ASAP3: variants seen among roughly 807,000 people sequenced by gnomAD.
The protein encoded by ASAP3 is arf-GAP with SH3 domain, ANK repeat and PH domain-containing protein 3.
Under a neutral mutation model 118.2 loss-of-function variants are expected in ASAP3, and 85 were observed. That is an observed-to-expected ratio of 0.72 (90% CI 0.60 to 0.86). The LOEUF is 0.86. Among genes scored for constraint, ASAP3 ranks in the 40% least tolerant of loss-of-function variants. ASAP3 has a pLI of 0.00. For synonymous variants in ASAP3, 432 were observed against 477.4 expected, an observed-to-expected ratio of 0.90 and a Z score of 1.24; for missense variants, 1,026 against 1,175.0, an observed-to-expected ratio of 0.87 and a Z score of 1.85.
At chr1:23,461,362 G>A (rs761569321) in intron 1 of ASAP3, among the ~76,000 whole-genome samples, 4 of 151,864 alleles carry the variant, frequency 2.6e-5, no homozygotes, top group Non-Finnish European at 5.9e-5. Context: ...AAATAAAGTC[G>A]ATTTTTTTTA....
intron 8 of ASAP3, 84 bp from the exon 9 acceptor site, chr1:23,441,557 C>T: frequency 6.3e-7 from 1 of 1,599,270 alleles, no homozygotes; most frequent in Non-Finnish European, 8.6e-7. Flanking sequence ...AGAGCAGTAG[C>T]CTCACTCTGT....
intron 3 of ASAP3, among the ~76,000 whole-genome samples, chr1:23,453,035 G>GA (rs2148632635): frequency 6.6e-6 from 1 of 152,244 alleles, no homozygotes; most frequent in East Asian, 1.9e-4. Context: ...CTTCCTGTGT[G>GA]AAAGGGGGCA....
chr1:23,479,224 T>C (rs1298674619), intron 1 of ASAP3, among the ~76,000 whole-genome samples: 1 of 152,134 alleles, frequency 6.6e-6, no homozygotes, highest in East Asian at 1.9e-4. Context: ...GGGCTGTGCT[T>C]TGGGGCCTAT....
In ASAP3 at chr1:23,433,077, C is replaced by G; in HGVS notation, c.2323G>C (p.Asp775His). 1 of 1,613,598 alleles carries G rather than the reference C, an allele frequency of 6.2e-7. No individual in the cohort carries two copies. Among genetic ancestry groups the G allele is most frequent in the Non-Finnish European group, 8.5e-7 (1 of 1,179,872 alleles). Reference sequence around the variant, plus strand: ...CATTTATCTGGGCATCCAACTGTACCTCCACTGGCATGTCTTGCACACCCT... The same window carrying G: ...CATTTATCTGGGCATCCAACTGTACGTCCACTGGCATGTCTTGCACACCCT... Reference protein sequence around the residue: ...VQGCARHASGDRSEVSSLSSE... With the variant: ...VQGCARHASGHRSEVSSLSSE... The change falls in exon 22 of 25, where the codon GAT (aspartate) becomes CAT (histidine). Residue 775 changes from aspartate to histidine, a missense_variant and splice_region_variant. Coordinates refer to ENST00000336689, the MANE Select transcript of ASAP3 (RefSeq NM_017707.4).
In ASAP3 at chr1:23,431,723, G is replaced by A. The variant is rs1260013457; in HGVS notation, c.2519C>T (p.Ser840Leu). 5.9e-6 allele frequency: 9 copies of A among 1,522,084 alleles called. No homozygotes were observed. The highest frequency in any genetic ancestry group is 4.0e-5 in the South Asian group (3 of 75,368). The allele number at this position is 1,522,084 out of a possible 1,614,324, so 94.3% of individuals were successfully genotyped here. A position where few individuals can be genotyped will look rare whatever the true frequency, so the allele number is the denominator to read the frequency against. Residue 840 changes from serine to leucine, a missense_variant, in exon 23 of 25, where the codon TCG (serine) becomes TTG (leucine). By Grantham distance (145) the Ser-to-Leu change is moderately radical. Transcript: ENST00000336689. ...GAATCTGACGGGGAGGTACATCTCC[G>A]AAGGGGTGGTCCCGGATGTCAGGCT... ...RPSLTSGTTP[S>L]EMYLPVRFSS...
intron 1 of ASAP3, among the ~76,000 whole-genome samples, chr1:23,470,702 G>A (rs1438490526): frequency 1.3e-5 from 2 of 152,280 alleles, no homozygotes; most frequent in African/African-American, 2.4e-5. Flanking sequence ...CTGGCCGTGC[G>A]CCCCTTGGTC....
Position 23,437,072 on chromosome 1 carries a change from A to G in ASAP3, c.1343-28T>C, listed in dbSNP as rs754514859. On this transcript the variant is annotated intron_variant, in intron 14 of 24. Transcript: ENST00000336689. This position sits in a 1 kb window ranked among gnomAD's most constrained non-coding sequence, Gnocchi z 6.1. ...GCAGAGGAAAGCAGCTGGAGCCTGG[A>G]GGTGCAGCCCCTCCCCTCCACTTAA... The G allele has an allele frequency of 1.2e-6, 2 of 1,603,810 alleles. No homozygotes were observed. Among genetic ancestry groups the G allele is most frequent in the Non-Finnish European group, 8.5e-7 (1 of 1,175,198 alleles).
chr1:23,453,313 C>T (rs1055074290), intron 3 of ASAP3, among the ~76,000 whole-genome samples: 1 of 151,616 alleles, frequency 6.6e-6, no homozygotes, highest in African/African-American at 2.4e-5. Context: ...ATGGGGTAAA[C>T]GCAGAAGTCA....
At chr1:23,464,097 G>A (rs1165293018) in intron 1 of ASAP3, among the ~76,000 whole-genome samples, 4 of 151,870 alleles carry the variant, frequency 2.6e-5, no homozygotes, top group Non-Finnish European at 4.4e-5. Context: ...CACTTTGGGA[G>A]GCCAAGGTGA....
At chr1:23,434,761 A>C in intron 17 of ASAP3, 143 bp from the exon 18 acceptor site, 1 of 730,182 alleles carries the variant, frequency 1.4e-6, no homozygotes, top group Non-Finnish European at 2.3e-6. Context: ...GCAAGGGCAG[A>C]GCCTCATGTC....
rs1380616835 is a variant in ASAP3 at position 23,434,103 on chromosome 1, G to A, written c.1951+151C>T. The A allele has an allele frequency of 4.2e-6, 3 of 718,164 alleles. No homozygotes were observed. In the East Asian group the frequency reaches 7.8e-5, roughly 19 times the overall value. 44.5% of individuals were successfully genotyped at this position (718,164 alleles called of 1,614,324 possible). A position where few individuals can be genotyped will look rare whatever the true frequency, so the allele number is the denominator to read the frequency against. ...GTGGTATTATTCCCATTTTACAGATGAGGAAGCTGAAATTCAAGAGCTGAA... is the reference window on the plus strand; with the variant it reads ...GTGGTATTATTCCCATTTTACAGATAAGGAAGCTGAAATTCAAGAGCTGAA... On this transcript the variant is annotated intron_variant, in intron 19 of 24. Transcript: ENST00000336689.
chr1:23,463,408 T>G (rs913141801), intron 1 of ASAP3, among the ~76,000 whole-genome samples: 1 of 151,958 alleles, frequency 6.6e-6, no homozygotes, highest in African/African-American at 2.4e-5. Context: ...ATAAAAAAAT[T>G]TAGTTTTAAG....
intron 1 of ASAP3, among the ~76,000 whole-genome samples, chr1:23,464,929 C>T (rs1352886849): frequency 6.6e-6 from 1 of 152,166 alleles, no homozygotes; most frequent in African/African-American, 2.4e-5. Context: ...TTCAGAGATG[C>T]AGTACATCAT....
chr1:23,458,526 G>A (rs936199093), intron 1 of ASAP3, among the ~76,000 whole-genome samples: 1 of 152,120 alleles, frequency 6.6e-6, no homozygotes, highest in Non-Finnish European at 1.5e-5. Flanking sequence ...CTGAGCCTGG[G>A]GAGGTCAAAA....
upstream of ASAP3, chr1:23,484,340 A>G (rs953288303): frequency 5.4e-4 from 218 of 403,824 alleles, 1 homozygote; most frequent in Non-Finnish European, 3.1e-4. Context: ...CTCCACCGCC[A>G]AGGTCCAGGC....
chr1:23,452,833 C>A, intron 3 of ASAP3, 62 bp from the exon 4 acceptor site: 1 of 1,505,270 alleles, frequency 6.6e-7, no homozygotes. Context: ...CCTAGGGATT[C>A]GGTGTACAGT....
Position 23,436,174 on chromosome 1 carries a change from CTT to C in ASAP3, c.1572-148_1572-147del. The C allele has an allele frequency of 2.3e-6, 2 of 882,580 alleles. No individual in the cohort carries two copies. Among genetic ancestry groups the C allele is most frequent in the Non-Finnish European group, 3.4e-6 (2 of 589,226 alleles). 54.7% of individuals were successfully genotyped at this position (882,580 alleles called of 1,614,324 possible). A position where few individuals can be genotyped will look rare whatever the true frequency, so the allele number is the denominator to read the frequency against. ...GATCTGAGGCTCCCCTCTCCCCAGG[CTT>C]TTTTTTTAGACAGTCTCACTCTATT... On this transcript the variant is annotated intron_variant, in intron 16 of 24. Transcript: ENST00000336689. This position sits in a 1 kb window ranked among gnomAD's most constrained non-coding sequence, Gnocchi z 4.2.
chr1:23,430,968 T>C, intron 24 of ASAP3, 67 bp downstream of exon 24: 1 of 1,432,010 alleles, frequency 7.0e-7, no homozygotes, highest in Non-Finnish European at 9.3e-7. Context: ...ATACGCCTAC[T>C]CTTGACTAAC....
At chr1:23,464,337 C>T (rs12142433) in intron 1 of ASAP3, among the ~76,000 whole-genome samples, 145 of 151,914 alleles carry the variant, frequency 9.5e-4, no homozygotes, top group Non-Finnish European at 1.6e-3. Flanking sequence ...CAGGTGCCCG[C>T]CACCATGCCC....
Sources: allele counts gnomAD v4.1 joint callset (sites outside exome capture counted in the v4.1 genomes callset), GRCh38; gene constraint gnomAD v4.1.1; non-coding constraint Gnocchi (gnomAD v3.1); transcripts MANE v1.5; gene names NCBI Gene and HGNC (gene_info 2026-07-23, HGNC 2026-07-21).